Variants in ARHGAP36 observed in about 807,000 individuals in gnomAD.
ARHGAP36 encodes rho GTPase-activating protein 36.
In ARHGAP36, 7 loss-of-function variants were observed where a neutral mutation model predicts 32.9. The ratio of observed to expected loss-of-function variants is 0.21; its 90% CI spans 0.12 to 0.40. The LOEUF (loss-of-function observed/expected upper bound fraction) is 0.40. Ranked by LOEUF, ARHGAP36 falls within the 10% of genes least tolerant of loss-of-function variation. The probability of loss-of-function intolerance (pLI) is 1.00; values close to 1 mark genes in which losing one functional copy is unlikely to be tolerated. For synonymous variants in ARHGAP36, 165 were observed against 168.3 expected, an observed-to-expected ratio of 0.98 and a Z score of 0.15; for missense variants, 383 against 442.2, an observed-to-expected ratio of 0.87 and a Z score of 1.20.
intron 1 of ARHGAP36, among the ~76,000 whole-genome samples, chrX:131,081,212 A>G (rs2079795551): frequency 9.2e-6 from 1 of 108,766 alleles, no homozygotes; most frequent in Non-Finnish European, 1.9e-5. Flanking sequence ...TGTTTTCTGG[A>G]CTTGTCTGAA....
At chrX:131,072,510 G>A (rs1310921029) in intron 1 of ARHGAP36, among the ~76,000 whole-genome samples, 1 of 112,393 alleles carries the variant, frequency 8.9e-6, no homozygotes, top group East Asian at 2.8e-4. Context: ...CAAATTGTGT[G>A]CTGAGCTGGG....
chrX:131,076,299 A>G (rs755170528), intron 1 of ARHGAP36, among the ~76,000 whole-genome samples: 8 of 112,606 alleles, frequency 7.1e-5, no homozygotes, highest in Middle Eastern at 4.6e-3. Context: ...AATGATATGC[A>G]TGACACAGCT....
At chrX:131,060,425 C>T (rs1455561974) in intron 1 of ARHGAP36, among the ~76,000 whole-genome samples, 2 of 112,035 alleles carry the variant, frequency 1.8e-5, no homozygotes, top group Non-Finnish European at 3.8e-5. Context: ...CACACACACA[C>T]ACGCTTCACA....
intron 1 of ARHGAP36, among the ~76,000 whole-genome samples, chrX:131,071,135 G>C (rs965346555): frequency 1.8e-5 from 2 of 110,263 alleles, no homozygotes; most frequent in South Asian, 7.9e-4. Context: ...AGAGGGAGGG[G>C]CTGCAGAAAA....
chrX:131,085,640 G>A lies in ARHGAP36; in HGVS notation c.1008G>A (p.Met336Ile). Reference sequence around the variant, plus strand: ...CCCTGCAGTTGCTGGTCTACCTGATGCCACCCTGCCACAGTGATACCCTGG... The same window carrying A: ...CCCTGCAGTTGCTGGTCTACCTGATACCACCCTGCCACAGTGATACCCTGG... ...LSALQLLVYL[M>I]PPCHSDTLER... The change falls in exon 8 of 12, where the codon ATG becomes ATA. Residue 336 changes from methionine (M) to isoleucine (I), a missense_variant. Physicochemically the swap from Met to Ile is conservative, Grantham distance 10. Transcript: ENST00000276211. The A allele has an allele frequency of 8.3e-7, 1 of 1,211,509 alleles. No homozygotes were observed. The highest frequency in any genetic ancestry group is 1.1e-6 in the Non-Finnish European group (1 of 895,493).
At chrX:131,064,982 C>T (rs1302587056) in intron 1 of ARHGAP36, among the ~76,000 whole-genome samples, 1 of 107,175 alleles carries the variant, frequency 9.3e-6, no homozygotes, top group East Asian at 2.8e-4. Context: ...TTTCTGAACT[C>T]CAAAGAGAGA....
rs754092471 is a variant in ARHGAP36 at position 131,083,179 on chromosome X, C to T, written c.268C>T (p.Arg90Cys). The change falls in exon 3 of 12, where the codon CGT (arginine) becomes TGT (cysteine). Residue 90 changes from arginine (R) to cysteine (C), a missense_variant. This residue lies in a region of ARHGAP36 where 156 missense variants were observed against 131.0 expected (regional missense o/e 1.19). Coordinates refer to ENST00000276211, the MANE Select transcript of ARHGAP36 (RefSeq NM_144967.4). ...FKPDRALPID[R>C]PNTLDKWFLI... ...TCTTTCTGTAGCTCTGCCTATTGAC[C>T]GTCCGAACACCTTGGATAAGTGGTT... The T allele has an allele frequency of 1.2e-5, 14 of 1,208,903 alleles. No individual in the cohort carries two copies. The highest frequency in any genetic ancestry group is 1.5e-5 in the Non-Finnish European group (13 of 894,387).
In ARHGAP36 at chrX:131,081,786, C is replaced by T. The variant is rs1189501089; in HGVS notation, c.121C>T (p.His41Tyr). 2 of 1,210,494 alleles carry T rather than the reference C, an allele frequency of 1.7e-6. No individual in the cohort carries two copies. The highest frequency in any genetic ancestry group is 3.5e-5 in the African/African-American group (2 of 57,224). ...GAGTGTCTTGGGAGGAGCCCCAGGA[C>T]ACAACCCCGACCGCAGGACGAAGAT... ...LVSVLGGAPG[H>Y]NPDRRTKMVS... The change falls in exon 2 of 12, where the codon CAC becomes TAC. Residue 41 changes from histidine to tyrosine, a missense_variant. Around this residue, in one of 2 missense-constraint regions of ARHGAP36, gnomAD observed 156 missense variants for 131.0 expected, o/e 1.19. Coordinates refer to ENST00000276211, the MANE Select transcript of ARHGAP36 (RefSeq NM_144967.4).
intron 6 of ARHGAP36, 65 bp from the exon 7 acceptor site, chrX:131,084,849 A>T (rs2079825966): frequency 8.4e-7 from 1 of 1,192,691 alleles, no homozygotes; most frequent in Admixed American, 2.2e-5. Context: ...GAACCTGTTG[A>T]AGGAATGACC....
rs143524893 is a variant in ARHGAP36, at chrX:131,075,391, A to G, written c.-142-6133A>G. ...TTGAAGCTAAGTTCCAGTCTATATC[A>G]CAGGACCTTGCCAGGATACCATGCT... On this transcript the variant is annotated intron_variant, in intron 1 of 11. Coordinates refer to ENST00000276211, the MANE Select transcript of ARHGAP36 (RefSeq NM_144967.4). Among the ~76,000 whole-genome samples the G allele has an allele frequency of 6.3e-3, 698 of 110,538 alleles. 3 individuals carry two copies. Among genetic ancestry groups the G allele is most frequent in the African/African-American group, 0.022 (670 of 30,376 alleles).
chrX:131,077,117 C>A (rs1157070123), intron 1 of ARHGAP36, among the ~76,000 whole-genome samples: 1 of 112,424 alleles, frequency 8.9e-6, no homozygotes, highest in Non-Finnish European at 1.9e-5. Context: ...CTCATTAATG[C>A]TCTGGGATGA....
At chrX:131,071,032 A>T (rs762809647) in intron 1 of ARHGAP36, among the ~76,000 whole-genome samples, 1 of 110,745 alleles carries the variant, frequency 9.0e-6, no homozygotes, top group Non-Finnish European at 1.9e-5. Flanking sequence ...ACGTACTCCA[A>T]TGTTTTGTGT....
At chrX:131,079,562 GTTTTTT>G (rs11417328) in intron 1 of ARHGAP36, among the ~76,000 whole-genome samples, 10 of 93,138 alleles carry the variant, frequency 1.1e-4, no homozygotes, top group Non-Finnish European at 1.5e-4. Context: ...TTTGTTTTTT[GTTTTTT>G]TTTTTTTGGA....
At chrX:131,071,690 G>A (rs1174844603) in intron 1 of ARHGAP36, among the ~76,000 whole-genome samples, 1 of 112,057 alleles carries the variant, frequency 8.9e-6, no homozygotes, top group African/African-American at 3.2e-5. Flanking sequence ...GGAGCCAGCA[G>A]CTGTACTCTA....
chrX:131,068,704 G>T (rs922140904), intron 1 of ARHGAP36, among the ~76,000 whole-genome samples: 2 of 95,920 alleles, frequency 2.1e-5, no homozygotes, highest in Non-Finnish European at 4.1e-5. Context: ...CCACTGGAGA[G>T]AACTGGCCAC....
intron 3 of ARHGAP36, 142 bp downstream of exon 3, chrX:131,083,372 T>C (rs912232234): frequency 4.9e-5 from 30 of 614,168 alleles, no homozygotes; most frequent in Non-Finnish European, 7.3e-5. Context: ...CAGTGGGTGA[T>C]ATCAGGAAAT....
chrX:131,081,163 C>G (rs1485203250), intron 1 of ARHGAP36, among the ~76,000 whole-genome samples: 1 of 109,597 alleles, frequency 9.1e-6, no homozygotes, highest in African/African-American at 3.3e-5. Flanking sequence ...GTCAAAGGGC[C>G]TGGGGACGAT....
intron 1 of ARHGAP36, among the ~76,000 whole-genome samples, chrX:131,076,118 C>T (rs1223745901): frequency 1.8e-5 from 2 of 111,976 alleles, no homozygotes; most frequent in African/African-American, 6.5e-5. Context: ...ACTTATTGAA[C>T]ATCTATTGTG....
At chrX:131,084,475 G>C in intron 5 of ARHGAP36, 68 bp downstream of exon 5, 1 of 1,158,087 alleles carries the variant, frequency 8.6e-7, no homozygotes, top group African/African-American at 1.8e-5. Context: ...TCTGGAAATG[G>C]GGGGAGAAAA....
Sources: allele counts gnomAD v4.1 joint callset (sites outside exome capture counted in the v4.1 genomes callset), GRCh38; gene constraint gnomAD v4.1.1; regional missense constraint gnomAD v4.1.1; transcripts MANE v1.5; gene names NCBI Gene and HGNC (gene_info 2026-07-23, HGNC 2026-07-21).